The following ESRRG variants were observed in gnomAD, a reference collection of about 807,000 sequenced individuals.
The protein encoded by ESRRG is estrogen related receptor gamma, also known as estrogen-related receptor gamma.
ESRRG carries 13 observed loss-of-function variants against 44.0 expected under a neutral mutation model. The ratio of observed to expected loss-of-function variants is 0.30; its 90% CI spans 0.19 to 0.47. The LOEUF (loss-of-function observed/expected upper bound fraction) is 0.47. Ranked by LOEUF, ESRRG falls within the 20% of genes least tolerant of loss-of-function variation. The pLI is 1.00. For missense variants in ESRRG, 395 were observed against 580.6 expected, an observed-to-expected ratio of 0.68 and a Z score of 3.29; for synonymous variants, 215 against 214.6, an observed-to-expected ratio of 1.00 and a Z score of -0.02.
rs1310952795 is a variant in ESRRG, at chr1:217,061,220, T to A, written c.-106+28287A>T. ...TTGTCACAGTTAGGATAAAACAACC[T>A]CCCTATCACCAGAGCATGATTCAAC... On this transcript the variant is annotated intron_variant, in intron 1 of 7. Transcript: ENST00000359162. Among the ~76,000 whole-genome samples, 10 of 152,196 alleles carry A rather than the reference T, an allele frequency of 6.6e-5. No homozygotes were observed. In the South Asian group the frequency reaches 2.1e-3, roughly 32 times the overall value.
In ESRRG at chr1:216,842,267, T is replaced by G. The variant is rs76645740; in HGVS notation, c.-14+97315A>C. On this transcript the variant is annotated intron_variant, in intron 2 of 7. Coordinates refer to the ESRRG transcript ENST00000359162. ...TGTCTCAGAGTTGAATTTATATATT[T>G]ATACTGAGGCTTAAGAGAACCCTGG... Among the ~76,000 whole-genome samples the G allele has an allele frequency of 2.4e-4, 37 of 152,260 alleles. No homozygotes were observed. In the East Asian group the frequency reaches 6.8e-3, roughly 28 times the overall value.
At chr1:216,966,144 G>C (rs995911389) in intron 1 of ESRRG, among the ~76,000 whole-genome samples, 2 of 152,010 alleles carry the variant, frequency 1.3e-5, no homozygotes, top group African/African-American at 4.8e-5. Flanking sequence ...ATGGTACCTG[G>C]GTCTCCATTT....
intron 1 of ESRRG, among the ~76,000 whole-genome samples, chr1:217,052,111 A>C (rs914958209): frequency 5.3e-5 from 8 of 152,190 alleles, no homozygotes; most frequent in African/African-American, 1.9e-4. Context: ...CTGTGAAAAT[A>C]AGAATGGCAA....
At chr1:217,009,858 A>G (rs888277002) in intron 1 of ESRRG, among the ~76,000 whole-genome samples, 1 of 151,274 alleles carries the variant, frequency 6.6e-6, no homozygotes, top group South Asian at 2.1e-4. Flanking sequence ...GGTGCCTGCC[A>G]CCGTATCTGG....
At chr1:216,819,553 CA>C (rs2095241807) in intron 2 of ESRRG, among the ~76,000 whole-genome samples, 3 of 152,082 alleles carry the variant, frequency 2.0e-5, no homozygotes, top group Admixed American at 2.0e-4. Context: ...CCTTTCAGGG[CA>C]AAGGCTGAGT....
intron 2 of ESRRG, among the ~76,000 whole-genome samples, chr1:216,918,074 A>G (rs1006130532): frequency 6.6e-6 from 1 of 152,166 alleles, no homozygotes; most frequent in African/African-American, 2.4e-5. Context: ...TTTATTTATG[A>G]GCCCTTTAAA....
At chr1:216,921,815 C>T (rs2061885236) in intron 2 of ESRRG, among the ~76,000 whole-genome samples, 1 of 152,200 alleles carries the variant, frequency 6.6e-6, no homozygotes, top group Admixed American at 6.5e-5. Flanking sequence ...TTCCCTGCTG[C>T]ATCTCTAAGG....
At chr1:216,883,347 T>C (rs909508527) in intron 2 of ESRRG, among the ~76,000 whole-genome samples, 2 of 134,706 alleles carry the variant, frequency 1.5e-5, no homozygotes, top group African/African-American at 5.5e-5. Context: ...ATCTAGCCAT[T>C]GCACTCCAGC....
chr1:216,742,352 A>G (rs541035468), intron 2 of ESRRG, among the ~76,000 whole-genome samples: 1 of 152,268 alleles, frequency 6.6e-6, no homozygotes, highest in South Asian at 2.1e-4. Flanking sequence ...CTATGTCTCT[A>G]AAGACTGTTG....
At chr1:216,697,783 C>T (rs145599298) in intron 1 of ESRRG, among the ~76,000 whole-genome samples, 2,369 of 152,310 alleles carry the variant, frequency 0.016, 51 homozygotes, top group African/African-American at 0.054. Flanking sequence ...ACTTCTAAAA[C>T]TGCTTAGCTA....
intron 1 of ESRRG, among the ~76,000 whole-genome samples, chr1:216,981,510 A>G (rs1212632334): frequency 6.6e-6 from 1 of 152,140 alleles, no homozygotes; most frequent in African/African-American, 2.4e-5. Context: ...TCAAAACAGC[A>G]CCTCGCACAA....
At chr1:217,070,456 A>C (rs987778552) in intron 1 of ESRRG, among the ~76,000 whole-genome samples, 1 of 151,684 alleles carries the variant, frequency 6.6e-6, no homozygotes, top group African/African-American at 2.4e-5. Flanking sequence ...ATCTTGGCTC[A>C]CTGCAACCTA....
At chr1:216,902,128 A>G (rs2059147938) in intron 2 of ESRRG, among the ~76,000 whole-genome samples, 1 of 152,174 alleles carries the variant, frequency 6.6e-6, no homozygotes, top group Admixed American at 6.5e-5. Context: ...CTAAGCTTCT[A>G]ATTTCTGAAT....
At chr1:217,088,210 A>G (rs1483776323) in intron 1 of ESRRG, among the ~76,000 whole-genome samples, 1 of 152,104 alleles carries the variant, frequency 6.6e-6, no homozygotes, top group South Asian at 2.1e-4. Context: ...AGTGTGAGAA[A>G]CAAATGAGAG....
chr1:217,003,564 T>A (rs2077326140), intron 1 of ESRRG, among the ~76,000 whole-genome samples: 2 of 147,568 alleles, frequency 1.4e-5, no homozygotes, highest in Admixed American at 1.4e-4. Flanking sequence ...AATATTAGTA[T>A]TAATACTAAT....
intron 2 of ESRRG, among the ~76,000 whole-genome samples, chr1:216,938,709 C>T (rs913716437): frequency 1.3e-5 from 2 of 152,168 alleles, no homozygotes; most frequent in Admixed American, 6.5e-5. Context: ...GATTCCTGTG[C>T]ACCTACTCTG....
chr1:216,639,016 G>C (rs1331521459), intron 3 of ESRRG, among the ~76,000 whole-genome samples: 1 of 152,110 alleles, frequency 6.6e-6, no homozygotes, highest in Non-Finnish European at 1.5e-5. Context: ...ACTGGCTAAG[G>C]TCAGAGTAAT....
chr1:216,557,842 A>G (rs1251680230), intron 5 of ESRRG, among the ~76,000 whole-genome samples: 1 of 152,168 alleles, frequency 6.6e-6, no homozygotes, highest in Non-Finnish European at 1.5e-5. Context: ...TACAAAGTGT[A>G]GTGTTAAATA....
At chr1:216,684,332 T>C (rs2077549085) in intron 1 of ESRRG, among the ~76,000 whole-genome samples, 1 of 152,230 alleles carries the variant, frequency 6.6e-6, no homozygotes, top group Non-Finnish European at 1.5e-5. Flanking sequence ...ATTATGATTG[T>C]TGACAGTTTC....
Sources: allele counts gnomAD v4.1 joint callset (sites outside exome capture counted in the v4.1 genomes callset), GRCh38; gene constraint gnomAD v4.1.1; transcripts MANE v1.5; gene names NCBI Gene and HGNC (gene_info 2026-07-23, HGNC 2026-07-21).